Variants in ASB16 observed in about 807,000 individuals in gnomAD.
The protein encoded by ASB16 is ankyrin repeat and SOCS box protein 16.
ASB16 carries 44 observed loss-of-function variants against 39.1 expected under a neutral mutation model. The ratio of observed to expected loss-of-function variants is 1.13; its 90% CI spans 0.88 to 1.45. The LOEUF (loss-of-function observed/expected upper bound fraction) is 1.45, where lower values mean the gene tolerates loss of function less well. Among genes scored for constraint, ASB16 ranks in the 40% most tolerant of loss-of-function variants. ASB16 has a pLI of 0.00. For synonymous variants in ASB16, 305 were observed against 286.7 expected, an observed-to-expected ratio of 1.06 and a Z score of -0.64; for missense variants, 698 against 634.5, an observed-to-expected ratio of 1.10 and a Z score of -1.07.
At chr17:44,177,756 G>T in intron 4 of ASB16, 34 bp downstream of exon 4, 2 of 1,605,132 alleles carry the variant, frequency 1.2e-6, no homozygotes, top group South Asian at 2.2e-5. Context: ...TGGGGAGGAG[G>T]GACGAGCCAC....
rs2054304473 is a variant in ASB16, at chr17:44,177,029, G to A, written c.861G>A (p.Pro287=). 1.3e-6 allele frequency: 2 copies of A among 1,490,480 alleles called. No homozygotes were observed. Among genetic ancestry groups the A allele is most frequent in the Non-Finnish European group, 1.8e-6 (2 of 1,132,684 alleles). 92.3% of individuals were successfully genotyped at this position (1,490,480 alleles called of 1,614,324 possible). A position where few individuals can be genotyped will look rare whatever the true frequency, so the allele number is the denominator to read the frequency against. ...CGGCCGGGCGCAAGCGCCACACGCC[G>A]CTGCACAACGCTTGTGCCAACGGCT... The part of the protein sequence containing the change: ...ARAAGRKRHT[P]LHNACANGCG... Residue 287 remains proline (P), a synonymous_variant, in exon 3 of 5, where the codon CCG becomes CCA. Coordinates refer to ENST00000293414, the MANE Select transcript of ASB16 (RefSeq NM_080863.5).
chr17:44,176,485 A>G (rs1473829092), intron 2 of ASB16: 1 of 597,388 alleles, frequency 1.7e-6, no homozygotes, highest in East Asian at 2.9e-5. Flanking sequence ...TGCAGCCACT[A>G]ACTTGCTGTG....
chr17:44,178,229 G>A lies in ASB16; in HGVS notation c.1201G>A (p.Ala401Thr). The change falls in exon 5 of 5, where the codon GCC becomes ACC. Residue 401 changes from alanine to threonine, a missense_variant. Ala to Thr is a moderately conservative substitution (Grantham distance 58). Transcript: ENST00000293414. ...GGAGCACGAAGCCTTCTACAGCTCG[G>A]CCCTGTGCATGGTGAACCAGCCAAG... ...WKEHEAFYSS[A>T]LCMVNQPRQL... is the part of the protein sequence containing the mutation. 2.5e-6 allele frequency: 4 copies of A among 1,613,344 alleles called. No individual in the cohort carries two copies. Among genetic ancestry groups the A allele is most frequent in the Non-Finnish European group, 3.4e-6 (4 of 1,179,986 alleles).
In ASB16 at chr17:44,170,905, G is replaced by C; in HGVS notation, c.116G>C (p.Arg39Pro). Residue 39 changes from arginine (R) to proline (P), a missense_variant, in exon 1 of 5, where the codon CGC (arginine) becomes CCC (proline). Arg to Pro is a moderately radical substitution (Grantham distance 103, BLOSUM62 -2). Transcript: ENST00000293414. ...RRAAAQQCRS[R>P]RCPSSPRARL... is the part of the protein sequence containing the mutation. ...GCGGCTGCCCAGCAGTGCCGGAGCC[G>C]CAGGTGCCCGTCAAGTCCCCGGGCC... The C allele has an allele frequency of 6.2e-7, 1 of 1,612,256 alleles. No individual in the cohort carries two copies. Among genetic ancestry groups the C allele is most frequent in the Non-Finnish European group, 8.5e-7 (1 of 1,179,734 alleles).
At chr17:44,177,567 G>T (rs1204730551) in intron 3 of ASB16, 42 bp from the exon 4 acceptor site, 25 of 1,600,654 alleles carry the variant, frequency 1.6e-5, no homozygotes, top group Non-Finnish European at 2.0e-5. Context: ...TCTGCCCTCG[G>T]GTGGGGGAGG....
chr17:44,173,938 A>G (rs1312339163), intron 2 of ASB16, among the ~76,000 whole-genome samples: 44 of 151,598 alleles, frequency 2.9e-4, no homozygotes, highest in Admixed American at 2.8e-3. Flanking sequence ...TGGCACAATC[A>G]TGACTCACTT....
intron 2 of ASB16, 27 bp downstream of exon 2, chr17:44,172,340 T>G: frequency 6.3e-7 from 1 of 1,574,816 alleles, no homozygotes; most frequent in Non-Finnish European, 8.5e-7. Flanking sequence ...TGAGACAGTT[T>G]GGGGAGAAAT....
chr17:44,172,361 G>GTA lies in ASB16; in HGVS notation c.569+49_569+50insAT, dbSNP rs370934626. On this transcript the variant is annotated intron_variant, in intron 2 of 4. Transcript: ENST00000293414. ...AGTTTGGGGAGAAATGTGTGTGTGT[G>GTA]TCTCCAGCTCACAAGGCCAGAAGAG... 1.4e-5 allele frequency: 22 copies of GTA among 1,581,698 alleles called. No individual in the cohort carries two copies. The South Asian group carries it at 2.4e-4, about 17-fold the overall frequency.
chr17:44,171,754 G>A (rs1478075654), intron 1 of ASB16, among the ~76,000 whole-genome samples: 2 of 151,922 alleles, frequency 1.3e-5, no homozygotes, highest in African/African-American at 4.8e-5. Context: ...TTCCTTAATG[G>A]GAGTCACTCT....
intron 2 of ASB16, among the ~76,000 whole-genome samples, chr17:44,174,885 C>T (rs1187491834): frequency 2.0e-5 from 3 of 151,988 alleles, no homozygotes; most frequent in Non-Finnish European, 4.4e-5. Flanking sequence ...AGGCAGATCA[C>T]GAGGTCAGGA....
In ASB16 at chr17:44,177,086, C is replaced by A. The variant is rs564483576; in HGVS notation, c.918C>A (p.Tyr306Ter). The change falls in exon 3 of 5, where the codon TAC becomes TAA. Residue 306 changes from tyrosine (Y) to a stop codon, truncating the protein, a stop_gained. Coordinates refer to ENST00000293414, the MANE Select transcript of ASB16 (RefSeq NM_080863.5). LOFTEE classifies it high-confidence loss of function. ...GCCTGGCCGAGCTGCTGCTGCGTTA[C>A]GGGGCCCGCGCTGAGGTCCCCAATG... ...CGGLAELLLRYGARAEVPNGA... is the reference protein window; with the variant it reads ...CGGLAELLLR 7.6e-4 allele frequency: 1,128 copies of A among 1,474,760 alleles called. 21 individuals are homozygous for A. In the South Asian group the frequency reaches 0.014, roughly 18 times the overall value. The allele number at this position is 1,474,760 out of a possible 1,614,324, so 91.4% of individuals were successfully genotyped here.
At chr17:44,173,839 G>C (rs1339888757) in intron 2 of ASB16, among the ~76,000 whole-genome samples, 1 of 152,000 alleles carries the variant, frequency 6.6e-6, no homozygotes, top group Non-Finnish European at 1.5e-5. Context: ...GAGAGGTATG[G>C]GGGTGCCTCA....
intron 2 of ASB16, among the ~76,000 whole-genome samples, chr17:44,175,225 C>A (rs1399004002): frequency 6.6e-6 from 1 of 151,010 alleles, no homozygotes; most frequent in Non-Finnish European, 1.5e-5. Context: ...CGGTGAAACC[C>A]CATCTCTACT....
rs143888183 is a variant in ASB16, at chr17:44,172,609, T to C, written c.569+296T>C. ...CAGTCTCCAATACCCTGTGAATCCT[T>C]TGTAGCCAAACCTAGCTGTTTTTTT... On this transcript the variant is annotated intron_variant, in intron 2 of 4. Coordinates refer to ENST00000293414, the MANE Select transcript of ASB16 (RefSeq NM_080863.5). 4.5e-3 allele frequency among the ~76,000 whole-genome samples: 688 copies of C among 152,138 alleles called. 9 individuals are homozygous for C. Among genetic ancestry groups the C allele is most frequent in the African/African-American group, 0.015 (635 of 41,502 alleles).
At chr17:44,171,919 C>T (rs2054245733) in intron 1 of ASB16, 127 bp from the exon 2 acceptor site, 3 of 945,728 alleles carry the variant, frequency 3.2e-6, no homozygotes, top group Non-Finnish European at 4.7e-6. Context: ...TACAGCCTGG[C>T]AGTGTTTGTG....
Position 44,177,115 on chromosome 17 carries a change from C to T in ASB16, c.947C>T (p.Ala316Val), listed in dbSNP as rs1175788850. 4 of 1,487,722 alleles carry T rather than the reference C, an allele frequency of 2.7e-6. No homozygotes were observed. The highest frequency in any genetic ancestry group is 1.3e-5 in the South Asian group (1 of 76,956). The allele number at this position is 1,487,722 out of a possible 1,614,324, so 92.2% of individuals were successfully genotyped here. ...YGARAEVPNG[A>V]GHTPMDCALQ... Reference sequence around the variant, plus strand: ...GCCCGCGCTGAGGTCCCCAATGGGGCGGGCCACACGCCCATGGACTGTGCG... The same window carrying T: ...GCCCGCGCTGAGGTCCCCAATGGGGTGGGCCACACGCCCATGGACTGTGCG... Residue 316 changes from alanine to valine, a missense_variant, in exon 3 of 5, where the codon GCG (alanine) becomes GTG (valine). Coordinates refer to ENST00000293414, the MANE Select transcript of ASB16 (RefSeq NM_080863.5).
In ASB16 at chr17:44,173,216, G is replaced by A. The variant is rs569595253; in HGVS notation, c.569+903G>A. 4.2e-3 allele frequency among the ~76,000 whole-genome samples: 632 copies of A among 150,334 alleles called. 6 individuals carry two copies. Among genetic ancestry groups the A allele is most frequent in the African/African-American group, 0.015 (601 of 40,992 alleles). ...AGCCTGGCCAACATAGTGAAACCCCGTCTCTATTAAAAATACAAAAAATTA... is the reference window on the plus strand; with the variant it reads ...AGCCTGGCCAACATAGTGAAACCCCATCTCTATTAAAAATACAAAAAATTA... On this transcript the variant is annotated intron_variant, in intron 2 of 4. Transcript: ENST00000293414.
Position 44,170,754 on chromosome 17 carries a change from C to G in ASB16, c.-36C>G, listed in dbSNP as rs754307863. 6.5e-7 allele frequency: 1 copy of G among 1,546,252 alleles called. No homozygotes were observed. Among genetic ancestry groups the G allele is most frequent in the East Asian group, 2.3e-5 (1 of 44,312 alleles). On this transcript the variant is annotated 5_prime_UTR_variant, in exon 1 of 5. Transcript: ENST00000293414. ...GTCGGGTCGAGGGAACCTGGCTCTG[C>G]CCAGGTGCCACTGCCCAAACCCCTG...
Position 44,171,101 on chromosome 17 carries a change from C to T in ASB16, c.301+11C>T. 1.2e-6 allele frequency: 2 copies of T among 1,608,278 alleles called. No homozygotes were observed. Among genetic ancestry groups the T allele is most frequent in the Non-Finnish European group, 1.7e-6 (2 of 1,176,458 alleles). On this transcript the variant is annotated intron_variant, in intron 1 of 4. Coordinates refer to ENST00000293414, the MANE Select transcript of ASB16 (RefSeq NM_080863.5). Reference sequence around the variant, plus strand: ...GGTCGGCTGAACAGGGTAGGGGGCACCAGAAGAGGGCAGAAGAGGAGGGAG... The same window carrying T: ...GGTCGGCTGAACAGGGTAGGGGGCATCAGAAGAGGGCAGAAGAGGAGGGAG...
Sources: allele counts gnomAD v4.1 joint callset (sites outside exome capture counted in the v4.1 genomes callset), GRCh38; gene constraint gnomAD v4.1.1; transcripts MANE v1.5; gene names NCBI Gene and HGNC (gene_info 2026-07-23, HGNC 2026-07-21).